TOX3: variants seen among roughly 807,000 people sequenced by gnomAD.
TOX3 encodes the protein TOX high mobility group box family member 3, also known as CAG trinucleotide repeat-containing gene F9 protein.
TOX3 carries 22 observed loss-of-function variants against 64.3 expected under a neutral mutation model. The ratio of observed to expected loss-of-function variants is 0.34; its 90% CI spans 0.24 to 0.49. The LOEUF (loss-of-function observed/expected upper bound fraction) is 0.49, where lower values mean the gene tolerates loss of function less well. TOX3 is among the 20% of genes least tolerant of loss of function. The pLI, the probability that TOX3 is intolerant of heterozygous loss-of-function variation, is 0.99. For synonymous variants in TOX3, 291 were observed against 273.6 expected, an observed-to-expected ratio of 1.06 and a Z score of -0.63; for missense variants, 661 against 714.4, an observed-to-expected ratio of 0.93 and a Z score of 0.85.
intron 1 of TOX3, among the ~76,000 whole-genome samples, chr16:52,538,760 G>A (rs769999424): frequency 6.6e-6 from 1 of 152,084 alleles, no homozygotes; most frequent in Non-Finnish European, 1.5e-5. Flanking sequence ...CATACAAGAA[G>A]GGCCATTTTC....
intron 1 of TOX3, chr16:52,519,579 G>C (rs1220064081): frequency 1.4e-6 from 2 of 1,451,844 alleles, no homozygotes; most frequent in Non-Finnish European, 1.8e-6. Flanking sequence ...ATGCATCCTA[G>C]CTGAGCAGAC....
chr16:52,542,322 T>C (rs1963092213), intron 1 of TOX3, among the ~76,000 whole-genome samples: 2 of 152,220 alleles, frequency 1.3e-5, no homozygotes, highest in Non-Finnish European at 2.9e-5. Flanking sequence ...AATGACTTAT[T>C]AAAAAGTTAT....
intron 2 of TOX3, 110 bp downstream of exon 2, chr16:52,468,399 G>A (rs1960928920): frequency 5.5e-6 from 5 of 915,584 alleles, no homozygotes; most frequent in Non-Finnish European, 8.3e-6. Flanking sequence ...TAGTTACCTT[G>A]TGCCACATAA....
intron 1 of TOX3, among the ~76,000 whole-genome samples, chr16:52,492,181 G>A (rs988137176): frequency 6.7e-6 from 1 of 148,180 alleles, no homozygotes; most frequent in Non-Finnish European, 1.5e-5. Flanking sequence ...TAATAGTGCT[G>A]TGTTATTGGT....
At chr16:52,451,311 C>T (rs1960337892) in intron 3 of TOX3, among the ~76,000 whole-genome samples, 1 of 152,086 alleles carries the variant, frequency 6.6e-6, no homozygotes, top group South Asian at 2.1e-4. Context: ...TAATGAATTT[C>T]TTCATAAATA....
At chr16:52,463,807 G>A in intron 3 of TOX3, 127 bp downstream of exon 3, 1 of 1,184,942 alleles carries the variant, frequency 8.4e-7, no homozygotes, top group Non-Finnish European at 1.1e-6. Flanking sequence ...GTACCTGCAT[G>A]TAAATAGCAC....
intron 1 of TOX3, among the ~76,000 whole-genome samples, chr16:52,521,376 C>T (rs921457032): frequency 6.6e-5 from 10 of 152,120 alleles, no homozygotes; most frequent in Non-Finnish European, 1.5e-4. Context: ...ACCATGTTTG[C>T]TCATGTCCCT....
At chr16:52,545,303 T>C (rs981680491) in intron 1 of TOX3, among the ~76,000 whole-genome samples, 1 of 152,214 alleles carries the variant, frequency 6.6e-6, no homozygotes, top group African/African-American at 2.4e-5. Context: ...CCTCGATCTA[T>C]ATTTTTTGGG....
intron 1 of TOX3, among the ~76,000 whole-genome samples, chr16:52,487,358 T>C (rs2151454449): frequency 1.3e-5 from 2 of 151,592 alleles, no homozygotes; most frequent in Middle Eastern, 6.8e-3. Context: ...TCATGAATGG[T>C]GGCAAAATGA....
At position 52,439,474 on chromosome 16, in the gene TOX3, C is replaced by CTGCTGCTGCTGCAGG. The variant is rs1959871688; in HGVS notation, c.1467_1481dup (p.His489_Gln493dup). 1 of 1,435,108 alleles carries CTGCTGCTGCTGCAGG rather than the reference C, an allele frequency of 7.0e-7. No individual in the cohort carries two copies. Among genetic ancestry groups the CTGCTGCTGCTGCAGG allele is most frequent in the Non-Finnish European group, 9.6e-7 (1 of 1,041,324 alleles). 88.9% of individuals were successfully genotyped at this position (1,435,108 alleles called of 1,614,324 possible). A position where few individuals can be genotyped will look rare whatever the true frequency, so the allele number is the denominator to read the frequency against. On this transcript the variant is annotated inframe_insertion, in exon 7 of 7. Coordinates refer to ENST00000219746, the MANE Select transcript of TOX3 (RefSeq NM_001080430.4). ...GATTAATTTGCTGCTGGAGATGCTG[C>CTGCTGCTGCTGCAGG]TGCTGCTGCTGCAGGTGCTGCTGCA...
At chr16:52,532,299 G>C (rs979393238) in intron 1 of TOX3, among the ~76,000 whole-genome samples, 47 of 152,312 alleles carry the variant, frequency 3.1e-4, no homozygotes, top group African/African-American at 1.1e-3. Flanking sequence ...CCAGTGACTT[G>C]CTTTAGCCAG....
intron 2 of TOX3, 133 bp downstream of exon 2, chr16:52,468,376 T>C (rs1960928202): frequency 9.1e-6 from 6 of 660,588 alleles, no homozygotes; most frequent in Non-Finnish European, 1.5e-5. Flanking sequence ...CTTTTCTCTT[T>C]TCTCCTCCAA....
chr16:52,460,646 C>T (rs1052793367), intron 3 of TOX3, among the ~76,000 whole-genome samples: 3 of 152,114 alleles, frequency 2.0e-5, no homozygotes, highest in African/African-American at 7.2e-5. Context: ...CCTGTCCTGT[C>T]ATTTTAAATC....
At chr16:52,467,542 G>A (rs533634180) in intron 2 of TOX3, among the ~76,000 whole-genome samples, 3 of 152,038 alleles carry the variant, frequency 2.0e-5, no homozygotes, top group South Asian at 2.1e-4. Flanking sequence ...CATTCTCTGG[G>A]GTCAAGCTAG....
intron 1 of TOX3, among the ~76,000 whole-genome samples, chr16:52,478,401 C>G (rs919419401): frequency 9.9e-5 from 15 of 152,196 alleles, no homozygotes; most frequent in African/African-American, 3.6e-4. Flanking sequence ...AATGTTCACT[C>G]CTCAGGGAGT....
intron 1 of TOX3, among the ~76,000 whole-genome samples, chr16:52,512,469 T>C (rs1017441044): frequency 2.0e-5 from 3 of 152,230 alleles, no homozygotes; most frequent in Non-Finnish European, 4.4e-5. Flanking sequence ...AATACATCCA[T>C]TCATGCAACA....
intron 1 of TOX3, among the ~76,000 whole-genome samples, chr16:52,489,638 C>T (rs1175935874): frequency 6.6e-6 from 1 of 152,150 alleles, no homozygotes; most frequent in Non-Finnish European, 1.5e-5. Context: ...CAACCACGAA[C>T]ACTCTCCAGT....
intron 3 of TOX3, among the ~76,000 whole-genome samples, chr16:52,453,314 G>A (rs1274339259): frequency 6.6e-6 from 1 of 151,710 alleles, no homozygotes; most frequent in East Asian, 1.9e-4. Context: ...CTCCTGAGTA[G>A]CTGAAATTAC....
intron 1 of TOX3, among the ~76,000 whole-genome samples, chr16:52,511,699 G>A (rs990063220): frequency 7.9e-5 from 12 of 152,240 alleles, no homozygotes; most frequent in African/African-American, 2.6e-4. Context: ...TGAATGCAGA[G>A]AATTCTAACC....
Sources: gnomAD v4.1 joint callset for allele counts (sites outside exome capture counted in the v4.1 genomes callset) on GRCh38, gnomAD v4.1.1 for gene constraint, MANE v1.5 for transcripts, NCBI Gene and HGNC (gene_info 2026-07-23, HGNC 2026-07-21) for gene names.